ZDHHC20: variants seen among roughly 807,000 people sequenced by gnomAD.
ZDHHC20 encodes the protein zDHHC palmitoyltransferase 20.
In ZDHHC20, 43 loss-of-function variants were observed where a neutral mutation model predicts 57.8. The ratio of observed to expected loss-of-function variants is 0.74; its 90% CI spans 0.58 to 0.96. The LOEUF (loss-of-function observed/expected upper bound fraction) is 0.96, where lower values mean the gene tolerates loss of function less well. Ranked by LOEUF, ZDHHC20 falls within the 40% of genes least tolerant of loss-of-function variation. The probability of loss-of-function intolerance (pLI) is 0.00; values close to 1 mark genes in which losing one functional copy is unlikely to be tolerated. For synonymous variants in ZDHHC20, 157 were observed against 153.0 expected, an observed-to-expected ratio of 1.03 and a Z score of -0.19; for missense variants, 391 against 441.1, an observed-to-expected ratio of 0.89 and a Z score of 1.02.
At chr13:21,382,028 G>T in intron 10 of ZDHHC20, 2 of 457,396 alleles carry the variant, frequency 4.4e-6, no homozygotes, top group East Asian at 6.1e-5. Context: ...AATGGAGGAA[G>T]GAAAGGAAGA....
chr13:21,438,838 C>A (rs949934734), intron 1 of ZDHHC20, among the ~76,000 whole-genome samples: 1 of 152,162 alleles, frequency 6.6e-6, no homozygotes, highest in Non-Finnish European at 1.5e-5. Flanking sequence ...CCACAGCTAC[C>A]CCAGCCTTCA....
intron 3 of ZDHHC20, 86 bp downstream of exon 3, chr13:21,420,975 T>C (rs374504727): frequency 4.9e-6 from 5 of 1,025,062 alleles, no homozygotes; most frequent in Admixed American, 2.0e-5. Context: ...ACATGCATTA[T>C]GTAAAGTTTT....
intron 9 of ZDHHC20, among the ~76,000 whole-genome samples, chr13:21,385,101 A>C (rs1480878764): frequency 6.6e-6 from 1 of 152,056 alleles, no homozygotes; most frequent in Non-Finnish European, 1.5e-5. Context: ...CGTAAGATAT[A>C]AAAAAAACCA....
chr13:21,406,994 A>T (rs924482168), intron 4 of ZDHHC20, among the ~76,000 whole-genome samples: 18 of 152,074 alleles, frequency 1.2e-4, no homozygotes, highest in African/African-American at 4.3e-4. Flanking sequence ...TTACACTCCC[A>T]CAAACAGTGT....
intron 4 of ZDHHC20, among the ~76,000 whole-genome samples, chr13:21,410,096 T>C (rs1879005033): frequency 6.6e-6 from 1 of 152,208 alleles, no homozygotes; most frequent in Non-Finnish European, 1.5e-5. Flanking sequence ...TTGATGTTGA[T>C]GCTACTGCTT....
chr13:21,376,929 A>T (rs546605197), intron 12 of ZDHHC20: 7 of 232,720 alleles, frequency 3.0e-5, no homozygotes, highest in Non-Finnish European at 5.8e-5. Context: ...CTGAGAAGAC[A>T]TCTGGTCCAC....
At chr13:21,395,400 C>T (rs1039041995) in intron 7 of ZDHHC20, among the ~76,000 whole-genome samples, 4 of 150,802 alleles carry the variant, frequency 2.7e-5, no homozygotes, top group African/African-American at 4.9e-5. Flanking sequence ...ATGTGACCTT[C>T]GGTAGTTGCA....
At chr13:21,401,712 T>C in intron 5 of ZDHHC20, 27 bp from the exon 6 acceptor site, 2 of 1,483,970 alleles carry the variant, frequency 1.3e-6, no homozygotes, top group Non-Finnish European at 8.9e-7. Flanking sequence ...CATAAGAAAA[T>C]CCATGCAGAA....
At chr13:21,426,885 G>C (rs1352724013) in intron 1 of ZDHHC20, among the ~76,000 whole-genome samples, 3 of 152,146 alleles carry the variant, frequency 2.0e-5, no homozygotes, top group Admixed American at 6.5e-5. Context: ...TGGAATTACA[G>C]GCATGAGCCA....
rs1199755429 is a variant in ZDHHC20 at position 21,373,819 on chromosome 13, A to G, written c.*2877T>C. 6.6e-6 allele frequency: 1 copy of G among 152,238 alleles called. No individual in the cohort carries two copies. Among genetic ancestry groups the G allele is most frequent in the East Asian group, 1.9e-4 (1 of 5,204 alleles). 9.4% of individuals were successfully genotyped at this position (152,238 alleles called of 1,614,324 possible). On this transcript the variant is annotated 3_prime_UTR_variant, in exon 13 of 13. Transcript: ENST00000400590. ...AAGAGGCAGCCTTTCCCTGATTCCC[A>G]CACCACTTGTAGGCCTTTGCTAGAA...
intron 4 of ZDHHC20, among the ~76,000 whole-genome samples, chr13:21,403,516 G>C (rs1878008614): frequency 6.6e-6 from 1 of 152,088 alleles, no homozygotes; most frequent in Non-Finnish European, 1.5e-5. Context: ...GCAATGGGGA[G>C]TAATAATAAA....
intron 4 of ZDHHC20, among the ~76,000 whole-genome samples, chr13:21,403,497 T>C (rs1044345951): frequency 6.6e-6 from 1 of 152,172 alleles, no homozygotes; most frequent in African/African-American, 2.4e-5. Context: ...ACCTTTCATT[T>C]TACAGGAAGC....
At chr13:21,431,212 G>C (rs1040039899) in intron 1 of ZDHHC20, among the ~76,000 whole-genome samples, 2 of 152,190 alleles carry the variant, frequency 1.3e-5, no homozygotes, top group Non-Finnish European at 1.5e-5. Context: ...TGGCTGGGGA[G>C]GCCTCAGAAT....
chr13:21,380,991 T>C (rs1873281999), intron 11 of ZDHHC20, among the ~76,000 whole-genome samples: 1 of 151,272 alleles, frequency 6.6e-6, no homozygotes, highest in South Asian at 2.1e-4. Flanking sequence ...ATATATTTTA[T>C]TTATTTATTT....
intron 4 of ZDHHC20, among the ~76,000 whole-genome samples, chr13:21,407,604 C>T (rs1282781367): frequency 6.6e-6 from 1 of 152,152 alleles, no homozygotes; most frequent in Non-Finnish European, 1.5e-5. Flanking sequence ...GTTTCTTTTG[C>T]TGTGCAGAAG....
intron 1 of ZDHHC20, among the ~76,000 whole-genome samples, chr13:21,450,216 G>C (rs900134434): frequency 6.6e-6 from 1 of 152,082 alleles, no homozygotes. Context: ...TCCAAGCAGA[G>C]ATGTCAAGTA....
intron 6 of ZDHHC20, among the ~76,000 whole-genome samples, chr13:21,401,103 C>T (rs1267359348): frequency 6.6e-6 from 1 of 151,808 alleles, no homozygotes; most frequent in Non-Finnish European, 1.5e-5. Flanking sequence ...CATGGAGAGA[C>T]CCCATCTCTA....
chr13:21,391,727 G>A lies in ZDHHC20; in HGVS notation c.722C>T (p.Thr241Ile). The change falls in exon 8 of 13, where the codon ACA becomes ATA. Residue 241 changes from threonine (T) to isoleucine (I), a missense_variant. By Grantham distance (89) the Thr-to-Ile change is moderately conservative. This residue lies in a region of ZDHHC20 where 197 missense variants were observed against 220.8 expected (regional missense o/e 0.89). Coordinates refer to ENST00000400590, the MANE Select transcript of ZDHHC20 (RefSeq NM_001330059.2). ...HCWLVGKNRT[T>I]IESFRAPTFS... ...ATTTATTTTAACCTACTTACCTATT[G>A]TTGTTCTATTTTTTCCAACTAGCCA... is the stretch of plus-strand genomic sequence containing the variant. 1.2e-6 allele frequency: 2 copies of A among 1,607,486 alleles called. No individual in the cohort carries two copies. Among genetic ancestry groups the A allele is most frequent in the African/African-American group, 2.7e-5 (2 of 74,610 alleles).
intron 1 of ZDHHC20, among the ~76,000 whole-genome samples, chr13:21,458,023 G>C (rs1450785553): frequency 2.6e-5 from 4 of 152,156 alleles, no homozygotes; most frequent in Non-Finnish European, 4.4e-5. Context: ...GATGTATACA[G>C]AACACCCTAG....
Sources: gnomAD v4.1 joint callset for allele counts (sites outside exome capture counted in the v4.1 genomes callset) on GRCh38, gnomAD v4.1.1 for gene constraint, gnomAD v4.1.1 regional missense constraint, MANE v1.5 for transcripts, NCBI Gene and HGNC (gene_info 2026-07-23, HGNC 2026-07-21) for gene names.